The following PHACTR3 variants were observed in gnomAD, a reference collection of about 807,000 sequenced individuals.
The protein encoded by PHACTR3 is protein phosphatase 1, regulatory subunit 123.
A neutral mutation model predicts 66.8 loss-of-function variants in PHACTR3; 16 were observed. The observed-to-expected ratio is 0.24, with a 90% confidence interval of 0.16 to 0.36. The LOEUF is 0.36. Ranked by LOEUF, PHACTR3 falls within the 10% of genes least tolerant of loss-of-function variation. PHACTR3 has a pLI of 1.00. For missense variants in PHACTR3, 647 were observed against 719.9 expected (o/e 0.90, Z 1.16); for synonymous variants, 323 against 292.1 (o/e 1.11, Z -1.08).
At chr20:59,811,504 C>T (rs1438691581) in intron 8 of PHACTR3, among the ~76,000 whole-genome samples, 1 of 152,122 alleles carries the variant, frequency 6.6e-6, no homozygotes, top group Non-Finnish European at 1.5e-5. Flanking sequence ...ACTGAAAATA[C>T]AAAAATTAGC....
intron 1 of PHACTR3, among the ~76,000 whole-genome samples, chr20:59,585,729 G>A (rs2033007578): frequency 1.3e-5 from 2 of 152,216 alleles, no homozygotes; most frequent in South Asian, 4.1e-4. Context: ...GTTGGTGGCA[G>A]GGAGGCCTCC....
intron 1 of PHACTR3, among the ~76,000 whole-genome samples, chr20:59,625,552 C>T (rs2034417029): frequency 6.6e-6 from 1 of 152,172 alleles, no homozygotes; most frequent in African/African-American, 2.4e-5. Context: ...GATGTCATGG[C>T]TGTGCAGGAG....
At chr20:59,767,528 A>C in intron 5 of PHACTR3, 133 bp downstream of exon 5, 1 of 1,095,760 alleles carries the variant, frequency 9.1e-7, no homozygotes. Context: ...CCATACCTTC[A>C]ACCAGTCTTG....
chr20:59,620,420 C>T (rs2034187932), intron 1 of PHACTR3, among the ~76,000 whole-genome samples: 4 of 152,320 alleles, frequency 2.6e-5, no homozygotes, highest in African/African-American at 7.2e-5. Context: ...CAGGATCCCA[C>T]GTGGCACGCG....
intron 1 of PHACTR3, among the ~76,000 whole-genome samples, chr20:59,613,761 A>G (rs1432468336): frequency 6.6e-6 from 1 of 152,198 alleles, no homozygotes; most frequent in Non-Finnish European, 1.5e-5. Context: ...TCATGGGAAG[A>G]CTGAAGCAGT....
intron 1 of PHACTR3, among the ~76,000 whole-genome samples, chr20:59,685,992 C>G (rs530951371): frequency 6.6e-6 from 1 of 152,190 alleles, no homozygotes; most frequent in Non-Finnish European, 1.5e-5. Flanking sequence ...ATGAACAATG[C>G]AAAGATGCTG....
chr20:59,682,904 G>C (rs1052919048), intron 1 of PHACTR3, among the ~76,000 whole-genome samples: 7 of 152,290 alleles, frequency 4.6e-5, no homozygotes, highest in African/African-American at 1.4e-4. Context: ...TTGGGCTTTT[G>C]CTCTGAGTGT....
intron 7 of PHACTR3, among the ~76,000 whole-genome samples, chr20:59,785,873 CCTACTTCATTTT>C (rs2040891612): frequency 4.3e-5 from 1 of 23,030 alleles, no homozygotes; most frequent in Non-Finnish European, 2.5e-4. Context: ...TTCTGCATCC[CCTACTTCATTTT>C]GTTTTCCAAC....
chr20:59,602,642 T>C (rs2033513132), upstream of PHACTR3, among the ~76,000 whole-genome samples: 1 of 152,124 alleles, frequency 6.6e-6, no homozygotes, highest in Non-Finnish European at 1.5e-5. Flanking sequence ...AGCCAGTCTC[T>C]GGGCTCTATC....
chr20:59,706,626 G>A (rs1568730346), intron 1 of PHACTR3, among the ~76,000 whole-genome samples: 2 of 152,226 alleles, frequency 1.3e-5, no homozygotes. Flanking sequence ...TATAAAGAGA[G>A]CCCTCTCCCC....
intron 7 of PHACTR3, among the ~76,000 whole-genome samples, chr20:59,786,851 T>C (rs982945445): frequency 6.6e-6 from 1 of 152,210 alleles, no homozygotes; most frequent in African/African-American, 2.4e-5. Flanking sequence ...GCGCTCTCTG[T>C]GTAGTTAACA....
At chr20:59,792,622 G>A (rs1305745325) in intron 7 of PHACTR3, among the ~76,000 whole-genome samples, 1 of 152,178 alleles carries the variant, frequency 6.6e-6, no homozygotes, top group Non-Finnish European at 1.5e-5. Context: ...TGGGTGTGTT[G>A]TGGTGTCTTA....
intron 1 of PHACTR3, among the ~76,000 whole-genome samples, chr20:59,586,023 G>A (rs925866696): frequency 3.3e-5 from 5 of 152,176 alleles, no homozygotes; most frequent in Non-Finnish European, 2.9e-5. Flanking sequence ...CCTGGAGATG[G>A]GAATGCGCAG....
chr20:59,681,928 T>A (rs1002756899), intron 1 of PHACTR3, among the ~76,000 whole-genome samples: 1 of 151,410 alleles, frequency 6.6e-6, no homozygotes, highest in African/African-American at 2.4e-5. Context: ...GAGAATCATT[T>A]GAACCCAGGG....
intron 4 of PHACTR3, among the ~76,000 whole-genome samples, chr20:59,762,019 G>A (rs146144680): frequency 1.2e-4 from 19 of 152,350 alleles, no homozygotes; most frequent in African/African-American, 4.3e-4. Flanking sequence ...AAAATACAAC[G>A]GTGGCTGCAC....
intron 10 of PHACTR3, 120 bp downstream of exon 10, chr20:59,840,550 G>T: frequency 7.1e-7 from 1 of 1,406,848 alleles, no homozygotes; most frequent in Non-Finnish European, 9.6e-7. Context: ...TGTTCTCCTG[G>T]ACATCATGGC....
intron 1 of PHACTR3, among the ~76,000 whole-genome samples, chr20:59,598,782 A>C (rs1215811241): frequency 6.6e-6 from 1 of 152,076 alleles, no homozygotes; most frequent in Non-Finnish European, 1.5e-5. Flanking sequence ...TCCAAGGACC[A>C]TTCCCACCCG....
intron 1 of PHACTR3, among the ~76,000 whole-genome samples, chr20:59,635,142 TCTTTCTTTTTCTTTCTTTCTTTCTTTC>T (rs2034818386): frequency 1.5e-5 from 1 of 66,376 alleles, no homozygotes; most frequent in African/African-American, 5.7e-5. Flanking sequence ...TTTCTTTCTT[TCTTTCTTTTTCTTTCTTTCTTTCTTTC>T]CTTTCTTTCT....
At chr20:59,708,967 AGT>A (rs894744544) in intron 1 of PHACTR3, among the ~76,000 whole-genome samples, 1 of 152,222 alleles carries the variant, frequency 6.6e-6, no homozygotes, top group African/African-American at 2.4e-5. Context: ...ACTACCTTCC[AGT>A]CTTCATTGGC....
Sources: gnomAD v4.1 joint callset for allele counts (sites outside exome capture counted in the v4.1 genomes callset) on GRCh38, gnomAD v4.1.1 for gene constraint, MANE v1.5 for transcripts, NCBI Gene and HGNC (gene_info 2026-07-23, HGNC 2026-07-21) for gene names.